The following CERS6 variants were observed in gnomAD, a reference collection of about 807,000 sequenced individuals.
CERS6 encodes the protein LAG1 homolog, ceramide synthase 6.
In CERS6, 26 loss-of-function variants were observed where a neutral mutation model predicts 56.8. That is an observed-to-expected ratio of 0.46 (90% CI 0.34 to 0.63). CERS6 has a LOEUF of 0.63. CERS6 is among the 30% of genes least tolerant of loss of function. CERS6 has a pLI of 0.01. For missense variants in CERS6, 415 were observed against 467.5 expected (o/e 0.89, Z 1.04); for synonymous variants, 164 against 173.3 (o/e 0.95, Z 0.42).
chr2:168,516,151 G>A (rs182373005), intron 1 of CERS6, among the ~76,000 whole-genome samples: 10 of 152,188 alleles, frequency 6.6e-5, no homozygotes, highest in African/African-American at 2.4e-4. Context: ...CGTGGAAATG[G>A]GATTGGTGGG....
intron 4 of CERS6, among the ~76,000 whole-genome samples, chr2:168,664,780 C>T (rs142717109): frequency 0.047 from 7,206 of 152,184 alleles, 434 homozygotes; most frequent in African/African-American, 0.14. Flanking sequence ...TTATCAGCAA[C>T]GTCTTTATGA....
At chr2:168,606,887 C>T (rs2105268612) in intron 3 of CERS6, among the ~76,000 whole-genome samples, 1 of 152,326 alleles carries the variant, frequency 6.6e-6, no homozygotes, top group South Asian at 2.1e-4. Flanking sequence ...TTCCCCCTCT[C>T]TCTCTTGCTC....
At chr2:168,546,037 C>G (rs570007352) in intron 1 of CERS6, among the ~76,000 whole-genome samples, 43 of 152,278 alleles carry the variant, frequency 2.8e-4, no homozygotes, top group Non-Finnish European at 5.1e-4. Flanking sequence ...TCACCCCGCT[C>G]TGTTGTACCT....
intron 1 of CERS6, among the ~76,000 whole-genome samples, chr2:168,530,066 A>C (rs1193582828): frequency 1.3e-5 from 2 of 152,248 alleles, no homozygotes; most frequent in African/African-American, 2.4e-5. Context: ...CCAGGCCCCC[A>C]CACAGAGTGA....
intron 8 of CERS6, among the ~76,000 whole-genome samples, chr2:168,725,886 C>T (rs1683335626): frequency 6.6e-6 from 1 of 152,334 alleles, no homozygotes; most frequent in Non-Finnish European, 1.5e-5. Flanking sequence ...TGTAGTCACA[C>T]AGTCAGTGAT....
At chr2:168,632,780 C>T (rs548418849) in intron 4 of CERS6, among the ~76,000 whole-genome samples, 24 of 152,160 alleles carry the variant, frequency 1.6e-4, no homozygotes, top group Admixed American at 9.8e-4. Flanking sequence ...ATGGGAAGGT[C>T]GGGTTGTTAA....
At chr2:168,768,292 C>T (rs572567630) in intron 9 of CERS6, among the ~76,000 whole-genome samples, 16 of 151,514 alleles carry the variant, frequency 1.1e-4, no homozygotes, top group African/African-American at 2.9e-4. Context: ...TGCAATGGCG[C>T]GATCTTGGCT....
intron 3 of CERS6, among the ~76,000 whole-genome samples, chr2:168,621,360 G>A (rs996944747): frequency 1.1e-4 from 16 of 152,124 alleles, no homozygotes; most frequent in Admixed American, 1.0e-3. Flanking sequence ...CCTTACACTA[G>A]ACAATTGTTA....
intron 4 of CERS6, among the ~76,000 whole-genome samples, chr2:168,645,114 A>ATATATATATATATAT (rs1559034012): frequency 2.9e-5 from 1 of 34,356 alleles, no homozygotes; most frequent in Non-Finnish European, 5.6e-5. Flanking sequence ...AAAAAAAAAA[A>ATATATATATATATAT]AAATATATAT....
chr2:168,501,460 G>A (rs1447492872), intron 1 of CERS6, among the ~76,000 whole-genome samples: 1 of 152,206 alleles, frequency 6.6e-6, no homozygotes, highest in Non-Finnish European at 1.5e-5. Context: ...ACCTTGTGGT[G>A]GTTGATCCTT....
At chr2:168,721,651 C>G (rs1208270548) in intron 8 of CERS6, among the ~76,000 whole-genome samples, 2 of 148,026 alleles carry the variant, frequency 1.4e-5, no homozygotes, top group Non-Finnish European at 3.0e-5. Flanking sequence ...CGGGGTCTTG[C>G]TCTGTTGGCC....
intron 4 of CERS6, among the ~76,000 whole-genome samples, chr2:168,651,071 AG>A (rs1685329840): frequency 6.6e-6 from 1 of 152,194 alleles, no homozygotes; most frequent in Non-Finnish European, 1.5e-5. Context: ...GGTTTTCTTG[AG>A]GCAAACAGTA....
intron 3 of CERS6, among the ~76,000 whole-genome samples, chr2:168,620,051 A>G (rs1684428102): frequency 1.4e-5 from 2 of 144,740 alleles, no homozygotes; most frequent in Non-Finnish European, 3.1e-5. Context: ...ACACACACAC[A>G]CACACACACA....
chr2:168,751,525 A>ATT (rs907577967), intron 8 of CERS6, among the ~76,000 whole-genome samples: 1 of 150,088 alleles, frequency 6.7e-6, no homozygotes, highest in African/African-American at 2.4e-5. Context: ...ACTGAGCAGT[A>ATT]TTTTTTTTTT....
intron 8 of CERS6, among the ~76,000 whole-genome samples, chr2:168,734,797 C>T (rs1211537739): frequency 6.6e-6 from 1 of 152,180 alleles, no homozygotes; most frequent in East Asian, 1.9e-4. Context: ...ATCTGGAGCA[C>T]ATTTTGGAAA....
At chr2:168,473,568 A>G (rs1431246624) in intron 1 of CERS6, among the ~76,000 whole-genome samples, 1 of 152,180 alleles carries the variant, frequency 6.6e-6, no homozygotes, top group African/African-American at 2.4e-5. Flanking sequence ...CTAGGGCATT[A>G]ATTTTAATTT....
chr2:168,479,537 G>A (rs1416955188), intron 1 of CERS6, among the ~76,000 whole-genome samples: 3 of 152,184 alleles, frequency 2.0e-5, no homozygotes, highest in Non-Finnish European at 4.4e-5. Context: ...GCATGCTTAT[G>A]GTATGGCAGG....
chr2:168,640,265 C>T (rs775997288), intron 4 of CERS6, among the ~76,000 whole-genome samples: 9 of 152,134 alleles, frequency 5.9e-5, no homozygotes, highest in South Asian at 2.1e-4. Flanking sequence ...AACTTAATAA[C>T]GTCTGTTAAT....
chr2:168,645,669 T>TA (rs1316639859), intron 4 of CERS6, among the ~76,000 whole-genome samples: 1 of 152,178 alleles, frequency 6.6e-6, no homozygotes, highest in African/African-American at 2.4e-5. Flanking sequence ...TAGTTATCTT[T>TA]TCTGCTCCTC....
Sources: gnomAD v4.1 joint callset for allele counts (sites outside exome capture counted in the v4.1 genomes callset) on GRCh38, gnomAD v4.1.1 for gene constraint, MANE v1.5 for transcripts, NCBI Gene and HGNC (gene_info 2026-07-23, HGNC 2026-07-21) for gene names.